The following DISP1 variants were observed in gnomAD, a reference collection of about 807,000 sequenced individuals.
DISP1 encodes protein dispatched homolog 1.
Under a neutral mutation model 37.3 loss-of-function variants are expected in DISP1, and 30 were observed. The observed-to-expected ratio is 0.80, with a 90% CI of 0.60 to 1.09. The LOEUF is 1.09. DISP1 is among the 50% of genes least tolerant of loss of function. The pLI is 0.00. For missense variants in DISP1, 1,598 were observed against 1,879.5 expected, an observed-to-expected ratio of 0.85 and a Z score of 2.77; for synonymous variants, 634 against 690.2, an observed-to-expected ratio of 0.92 and a Z score of 1.28.
At chr1:222,998,420 C>A (rs137885183) in intron 8 of DISP1, among the ~76,000 whole-genome samples, 1 of 151,860 alleles carries the variant, frequency 6.6e-6, no homozygotes, top group Non-Finnish European at 1.5e-5. Flanking sequence ...TGTCACCTGC[C>A]TGTGTTTACA....
intron 2 of DISP1, among the ~76,000 whole-genome samples, chr1:222,939,706 T>C (rs1674237073): frequency 6.6e-6 from 1 of 151,844 alleles, no homozygotes; most frequent in Admixed American, 6.6e-5. Flanking sequence ...GGCACACACC[T>C]GTGATCCCTG....
chr1:223,003,037 G>C lies in DISP1; in HGVS notation c.1640G>C (p.Arg547Pro). Residue 547 changes from arginine to proline, a missense_variant, in exon 9 of 9, where the codon CGT becomes CCT. Coordinates refer to ENST00000675850, the MANE Select transcript of DISP1 (RefSeq NM_001377229.1). The surrounding 1 kb of genome is among the most constrained non-coding windows in gnomAD (Gnocchi z 4.3). ...SSLIVSYFLY[R>P]VVFHFEFFPF... ...TTGATTGTTTCCTATTTTCTCTATC[G>C]TGTAGTATTTCACTTCGAATTTTTT... The C allele has an allele frequency of 6.2e-7, 1 of 1,613,894 alleles. No homozygotes were observed. The highest frequency in any genetic ancestry group is 8.5e-7 in the Non-Finnish European group (1 of 1,180,014).
chr1:222,864,747 A>T (rs1458557006), intron 1 of DISP1, among the ~76,000 whole-genome samples: 1 of 152,164 alleles, frequency 6.6e-6, no homozygotes, highest in East Asian at 1.9e-4. Context: ...CTTCATTTGA[A>T]TTCTCTTCCT....
At chr1:222,896,012 A>C (rs1671233162) in intron 1 of DISP1, among the ~76,000 whole-genome samples, 1 of 152,218 alleles carries the variant, frequency 6.6e-6, no homozygotes, top group Non-Finnish European at 1.5e-5. Flanking sequence ...CCATTTAAAA[A>C]ATGAAAAAGC....
At chr1:222,857,375 C>A (rs768053512) in intron 1 of DISP1, among the ~76,000 whole-genome samples, 1 of 152,152 alleles carries the variant, frequency 6.6e-6, no homozygotes, top group Non-Finnish European at 1.5e-5. Flanking sequence ...TGGCACAAGA[C>A]AAGGATGCTA....
intron 1 of DISP1, among the ~76,000 whole-genome samples, chr1:222,848,272 T>A (rs1668032260): frequency 6.6e-6 from 1 of 152,186 alleles, no homozygotes; most frequent in Non-Finnish European, 1.5e-5. Flanking sequence ...AGAGTGATTG[T>A]GAGCATTAAA....
chr1:222,984,419 A>ATATATATATATAT (rs761912265), intron 4 of DISP1, among the ~76,000 whole-genome samples: 13 of 101,106 alleles, frequency 1.3e-4, no homozygotes, highest in South Asian at 6.7e-4. Context: ...AAAAAAAAAA[A>ATATATATATATAT]AAATATATAT....
intron 2 of DISP1, among the ~76,000 whole-genome samples, chr1:222,938,517 T>C (rs1212008271): frequency 6.6e-6 from 1 of 151,622 alleles, no homozygotes; most frequent in Non-Finnish European, 1.5e-5. Context: ...GAGGATCGCT[T>C]GAGCTCTGGG....
At chr1:222,962,629 A>C (rs966417931) in intron 3 of DISP1, among the ~76,000 whole-genome samples, 7 of 152,200 alleles carry the variant, frequency 4.6e-5, no homozygotes, top group African/African-American at 1.7e-4. Flanking sequence ...AACACCACAC[A>C]TGTACAACCA....
intron 3 of DISP1, among the ~76,000 whole-genome samples, chr1:222,952,502 G>T (rs997746245): frequency 6.6e-6 from 1 of 152,092 alleles, no homozygotes; most frequent in Non-Finnish European, 1.5e-5. Context: ...CTTAGTATTT[G>T]CTTGTGTTTT....
Position 222,943,468 on chromosome 1 carries a change from T to G in DISP1, c.509+136T>G. ...ACATGAAAACGCATATTCTGTGGAT[T>G]GTGTGAAGCCAACAAAAACGCAAAT... is the stretch of plus-strand genomic sequence containing the variant. On this transcript the variant is annotated intron_variant, in intron 3 of 8. Transcript: ENST00000675850. The G allele has an allele frequency of 6.5e-6, 8 of 1,230,614 alleles. No individual in the cohort carries two copies. The South Asian group carries it at 9.5e-5, about 15-fold the overall frequency. 76.2% of individuals were successfully genotyped at this position (1,230,614 alleles called of 1,614,324 possible).
intron 3 of DISP1, among the ~76,000 whole-genome samples, chr1:222,982,437 T>C (rs931055679): frequency 7.9e-5 from 12 of 152,224 alleles, no homozygotes; most frequent in African/African-American, 2.4e-4. Flanking sequence ...ATACAAAGTT[T>C]GGAGATTGAG....
chr1:222,975,214 A>AGG (rs1299147949), intron 3 of DISP1, among the ~76,000 whole-genome samples: 5 of 151,736 alleles, frequency 3.3e-5, no homozygotes, highest in African/African-American at 1.2e-4. Flanking sequence ...TTATAGAGAT[A>AGG]GGGGCTCACT....
chr1:222,920,553 A>AC lies in DISP1; in HGVS notation c.-158-7876dup, dbSNP rs199574680. Among the ~76,000 whole-genome samples the AC allele has an allele frequency of 4.1e-4, 63 of 152,128 alleles. No individual in the cohort carries two copies. The East Asian group carries it at 0.012, about 29-fold the overall frequency. On this transcript the variant is annotated intron_variant, in intron 1 of 8. Transcript: ENST00000675850. Reference sequence around the variant, plus strand: ...ACACTATACTTTGTGTGGGAGAAAAACTCTTGTTAAAGACAAAATGTTCCC... The same window carrying AC: ...ACACTATACTTTGTGTGGGAGAAAAACCTCTTGTTAAAGACAAAATGTTCCC...
intron 4 of DISP1, 28 bp downstream of exon 4, chr1:222,983,137 A>G (rs772316664): frequency 2.6e-6 from 4 of 1,552,302 alleles, no homozygotes; most frequent in Admixed American, 3.3e-5. Flanking sequence ...ATCTTATTAA[A>G]TAATAAACTT....
chr1:222,934,800 A>T (rs946589093), intron 2 of DISP1, among the ~76,000 whole-genome samples: 1 of 152,156 alleles, frequency 6.6e-6, no homozygotes, highest in South Asian at 2.1e-4. Flanking sequence ...AGTTGCACTA[A>T]AAAGATCAAA....
chr1:222,882,244 TTACAC>T (rs993896966), intron 1 of DISP1, among the ~76,000 whole-genome samples: 1 of 152,178 alleles, frequency 6.6e-6, no homozygotes, highest in Non-Finnish European at 1.5e-5. Flanking sequence ...ATAAAATAAT[TTACAC>T]TACAAAGAAC....
chr1:222,823,085 A>G (rs1243122695), intron 1 of DISP1, among the ~76,000 whole-genome samples: 1 of 152,222 alleles, frequency 6.6e-6, no homozygotes, highest in African/African-American at 2.4e-5. Flanking sequence ...TGGTGGGAAT[A>G]TAAATTAGTA....
chr1:222,897,750 A>G (rs572762835), intron 1 of DISP1, among the ~76,000 whole-genome samples: 4 of 152,210 alleles, frequency 2.6e-5, no homozygotes, highest in Admixed American at 2.6e-4. Flanking sequence ...AACATCTATC[A>G]CTTTCACTTT....
Sources: gnomAD v4.1 joint callset for allele counts (sites outside exome capture counted in the v4.1 genomes callset) on GRCh38, gnomAD v4.1.1 for gene constraint, Gnocchi (gnomAD v3.1) non-coding constraint, MANE v1.5 for transcripts, NCBI Gene and HGNC (gene_info 2026-07-23, HGNC 2026-07-21) for gene names.